SLC25A42: variants seen among roughly 807,000 people sequenced by gnomAD.
SLC25A42 encodes solute carrier family 25 member 42.
SLC25A42 carries 19 observed loss-of-function variants against 34.7 expected under a neutral mutation model. The observed-to-expected ratio is 0.55, with a 90% CI of 0.38 to 0.80. SLC25A42 has a LOEUF of 0.80. Among genes scored for constraint, SLC25A42 ranks in the 30% least tolerant of loss-of-function variants. The pLI is 0.00. For synonymous variants in SLC25A42, 205 were observed against 191.2 expected (o/e 1.07, Z -0.59); for missense variants, 364 against 441.3 (o/e 0.82, Z 1.57).
At chr19:19,064,916 A>G (rs2059593430) in intron 1 of SLC25A42, among the ~76,000 whole-genome samples, 2 of 152,154 alleles carry the variant, frequency 1.3e-5, no homozygotes, top group South Asian at 4.1e-4. Context: ...CTATAAAGTG[A>G]TTTCCGGACC....
intron 2 of SLC25A42, among the ~76,000 whole-genome samples, chr19:19,099,764 G>A (rs2059784737): frequency 1.3e-5 from 2 of 151,918 alleles, no homozygotes; most frequent in Non-Finnish European, 2.9e-5. Flanking sequence ...CAGACACTCT[G>A]TCACCCTGTC....
chr19:19,110,339 A>G (rs1454927921), intron 7 of SLC25A42, among the ~76,000 whole-genome samples: 2 of 151,900 alleles, frequency 1.3e-5, no homozygotes, highest in African/African-American at 4.8e-5. Flanking sequence ...GTGAAATTAC[A>G]TCTCCAAAAA....
At chr19:19,085,800 G>T (rs2059705218) in intron 1 of SLC25A42, among the ~76,000 whole-genome samples, 1 of 152,072 alleles carries the variant, frequency 6.6e-6, no homozygotes, top group Non-Finnish European at 1.5e-5. Context: ...ACCCTGAGGG[G>T]AGGGGAGAGG....
At chr19:19,085,469 C>T (rs1338708411) in intron 1 of SLC25A42, among the ~76,000 whole-genome samples, 1 of 151,838 alleles carries the variant, frequency 6.6e-6, no homozygotes, top group Non-Finnish European at 1.5e-5. Flanking sequence ...GCAACCTCTG[C>T]TTCCGAGGTT....
chr19:19,088,443 T>C (rs2145910260), intron 1 of SLC25A42, among the ~76,000 whole-genome samples: 1 of 152,196 alleles, frequency 6.6e-6, no homozygotes, highest in Non-Finnish European at 1.5e-5. Context: ...CCTGACCTCG[T>C]GATCTGCCTG....
chr19:19,106,125 A>G, intron 5 of SLC25A42, 144 bp from the exon 6 acceptor site: 1 of 682,872 alleles, frequency 1.5e-6, no homozygotes, highest in Non-Finnish European at 2.5e-6. Flanking sequence ...CAGCTTGGCC[A>G]GGAGGAAGCC....
chr19:19,078,241 C>T (rs528266281), intron 1 of SLC25A42, among the ~76,000 whole-genome samples: 12 of 152,222 alleles, frequency 7.9e-5, no homozygotes, highest in African/African-American at 2.2e-4. Context: ...GAGACCCAGC[C>T]GGCATTGGGC....
chr19:19,105,579 T>C lies in SLC25A42; in HGVS notation c.232T>C (p.Tyr78His). Residue 78 changes from tyrosine to histidine, a missense_variant, in exon 5 of 8, where the codon TAC (tyrosine) becomes CAC (histidine). Coordinates refer to ENST00000318596, the MANE Select transcript of SLC25A42 (RefSeq NM_178526.5). ...FSAKEAFRVL[Y>H]YTYLNEGFLS... ...TCTCCAGGAGGCCTTCCGGGTCCTC[T>C]ACTACACCTACCTCAACGAGGGATT... is the stretch of plus-strand genomic sequence containing the variant. 1 of 1,613,866 alleles carries C rather than the reference T, an allele frequency of 6.2e-7. No homozygotes were observed. Among genetic ancestry groups the C allele is most frequent in the East Asian group, 2.2e-5 (1 of 44,878 alleles).
At chr19:19,110,504 GCA>G in intron 7 of SLC25A42, 63 bp from the exon 8 acceptor site, 1 of 1,331,856 alleles carries the variant, frequency 7.5e-7, no homozygotes, top group Admixed American at 3.8e-5. Context: ...AAAGGCGCGC[GCA>G]CGGGTGCGGG....
rs1049927984 is a variant in SLC25A42 at position 19,109,676 on chromosome 19, G to A, written c.650-893G>A. 2.0e-5 allele frequency among the ~76,000 whole-genome samples: 3 copies of A among 152,024 alleles called. No homozygotes were observed. The highest frequency in any genetic ancestry group is 7.2e-5 in the African/African-American group (3 of 41,388). Reference sequence around the variant, plus strand: ...TCCAATTCCTGGGCTCAAGTGATCCGCCTGCCTTGGCCTCCCAAAGTGCTG... The same window carrying A: ...TCCAATTCCTGGGCTCAAGTGATCCACCTGCCTTGGCCTCCCAAAGTGCTG... On this transcript the variant is annotated intron_variant, in intron 7 of 7. Transcript: ENST00000318596. The surrounding 1 kb of genome is among the most constrained non-coding windows in gnomAD (Gnocchi z 4.1).
chr19:19,077,352 C>G (rs956249127), intron 1 of SLC25A42, among the ~76,000 whole-genome samples: 2 of 152,166 alleles, frequency 1.3e-5, no homozygotes, highest in African/African-American at 2.4e-5. Flanking sequence ...TCCCACTAAA[C>G]AGTAATTCTC....
chr19:19,103,885 C>T (rs2059811600), intron 3 of SLC25A42, among the ~76,000 whole-genome samples: 1 of 148,410 alleles, frequency 6.7e-6, no homozygotes, highest in African/African-American at 2.5e-5. Context: ...AAGGGACAGC[C>T]TTATTTATTT....
At chr19:19,079,551 G>A (rs1241997955) in intron 1 of SLC25A42, among the ~76,000 whole-genome samples, 3 of 152,118 alleles carry the variant, frequency 2.0e-5, no homozygotes, top group Non-Finnish European at 2.9e-5. Flanking sequence ...ACTCAGTATC[G>A]TGTTTTTGAG....
intron 2 of SLC25A42, among the ~76,000 whole-genome samples, chr19:19,099,985 C>T (rs1217319456): frequency 6.6e-6 from 1 of 151,794 alleles, no homozygotes; most frequent in Non-Finnish European, 1.5e-5. Flanking sequence ...GCCTCGGCCT[C>T]CCAAAGTGCT....
intron 3 of SLC25A42, among the ~76,000 whole-genome samples, chr19:19,103,341 C>T (rs553474667): frequency 2.0e-5 from 3 of 152,254 alleles, no homozygotes; most frequent in South Asian, 2.1e-4. Context: ...GTGATCCACC[C>T]GCCTTGGCCT....
chr19:19,101,784 G>A lies in SLC25A42; in HGVS notation c.85G>A (p.Asp29Asn). The change falls in exon 3 of 8, where the codon GAC (aspartate) becomes AAC (asparagine). Residue 29 changes from aspartate to asparagine, a missense_variant. Transcript: ENST00000318596. Reference protein sequence around the residue: ...VLSSSVSSKRDHRQVLSSLLS... With the variant: ...VLSSSVSSKRNHRQVLSSLLS... ...CTGATCACATGTTCTGTTGCAGCGTGACCACAGGCAAGTGCTCAGCTCCCT... is the reference window on the plus strand; with the variant it reads ...CTGATCACATGTTCTGTTGCAGCGTAACCACAGGCAAGTGCTCAGCTCCCT... 1 of 1,611,188 alleles carries A rather than the reference G, an allele frequency of 6.2e-7. No homozygotes were observed. The highest frequency in any genetic ancestry group is 1.1e-5 in the South Asian group (1 of 90,624).
chr19:19,083,225 G>A (rs1471146055), intron 1 of SLC25A42, among the ~76,000 whole-genome samples: 1 of 152,158 alleles, frequency 6.6e-6, no homozygotes, highest in Non-Finnish European at 1.5e-5. Flanking sequence ...ATTACAAGGC[G>A]TGAGCCACTG....
intron 1 of SLC25A42, among the ~76,000 whole-genome samples, chr19:19,083,153 A>T (rs1481580379): frequency 6.6e-6 from 1 of 152,036 alleles, no homozygotes; most frequent in African/African-American, 2.4e-5. Flanking sequence ...AGATTTCACT[A>T]TGTTACCCAG....
At chr19:19,080,158 T>A (rs1322728163) in intron 1 of SLC25A42, among the ~76,000 whole-genome samples, 1 of 152,126 alleles carries the variant, frequency 6.6e-6, no homozygotes, top group Non-Finnish European at 1.5e-5. Flanking sequence ...AGACCAACTC[T>A]CAGATGAGGA....
Sources: allele counts gnomAD v4.1 joint callset (sites outside exome capture counted in the v4.1 genomes callset), GRCh38; gene constraint gnomAD v4.1.1; non-coding constraint Gnocchi (gnomAD v3.1); transcripts MANE v1.5; gene names NCBI Gene and HGNC (gene_info 2026-07-23, HGNC 2026-07-21).